The following DNM3 variants were observed in gnomAD, a reference collection of about 807,000 sequenced individuals.
The protein encoded by DNM3 is dynamin-3.
A neutral mutation model predicts 101.6 loss-of-function variants in DNM3; 47 were observed. The observed-to-expected ratio is 0.46, with a 90% CI of 0.37 to 0.59. DNM3 has a LOEUF of 0.59. DNM3 is among the 20% of genes least tolerant of loss of function. DNM3 has a pLI of 0.00. For synonymous variants in DNM3, 385 were observed against 387.9 expected, an observed-to-expected ratio of 0.99 and a Z score of 0.09; for missense variants, 849 against 1,085.7, an observed-to-expected ratio of 0.78 and a Z score of 3.06.
chr1:171,895,115 T>G (rs1482123566), intron 1 of DNM3, among the ~76,000 whole-genome samples: 1 of 152,238 alleles, frequency 6.6e-6, no homozygotes. Flanking sequence ...CATGTGTCTT[T>G]ATAGTAGTAT....
intron 2 of DNM3, among the ~76,000 whole-genome samples, chr1:171,969,673 A>G (rs564835863): frequency 1.3e-5 from 2 of 152,194 alleles, no homozygotes; most frequent in Non-Finnish European, 2.9e-5. Flanking sequence ...TCAGCAAAAA[A>G]AGATTAAAGA....
chr1:172,093,341 T>A (rs985638648), intron 13 of DNM3, among the ~76,000 whole-genome samples: 15 of 152,172 alleles, frequency 9.9e-5, no homozygotes, highest in Non-Finnish European at 2.2e-4. Context: ...TAAATTCTTG[T>A]TGGTTAATGA....
chr1:172,394,139 T>TTCAAG (rs2069766824), intron 20 of DNM3: 2 of 152,252 alleles, frequency 1.3e-5, no homozygotes, highest in Admixed American at 6.5e-5. Flanking sequence ...TTTTTAATTC[T>TTCAAG]TCAAGTCTTG....
At chr1:171,921,351 A>C (rs2040155456) in intron 1 of DNM3, among the ~76,000 whole-genome samples, 1 of 152,156 alleles carries the variant, frequency 6.6e-6, no homozygotes, top group Non-Finnish European at 1.5e-5. Context: ...CTTGAGGCCA[A>C]AGAGCGTACT....
At chr1:172,242,619 A>T (rs2061790227) in intron 14 of DNM3, among the ~76,000 whole-genome samples, 3 of 152,094 alleles carry the variant, frequency 2.0e-5, no homozygotes, top group Admixed American at 1.3e-4. Flanking sequence ...TTTAAAAAAA[A>T]TTTTGGAGAG....
At chr1:171,985,476 A>G (rs1029901917) in intron 2 of DNM3, among the ~76,000 whole-genome samples, 1 of 152,366 alleles carries the variant, frequency 6.6e-6, no homozygotes, top group Non-Finnish European at 1.5e-5. Flanking sequence ...ATAGAAGAAC[A>G]TGCCTTATCT....
intron 15 of DNM3, among the ~76,000 whole-genome samples, chr1:172,261,355 G>A (rs1294775478): frequency 6.6e-6 from 1 of 152,240 alleles, no homozygotes; most frequent in African/African-American, 2.4e-5. Context: ...GCGTAGTGGT[G>A]TAGTCTCTGT....
At chr1:172,219,988 G>T (rs189498254) in intron 14 of DNM3, among the ~76,000 whole-genome samples, 150 of 152,296 alleles carry the variant, frequency 9.8e-4, no homozygotes, top group African/African-American at 3.5e-3. Context: ...TAGATTGCAA[G>T]TAAGCTGTGT....
chr1:172,079,242 C>T (rs1342886271), intron 11 of DNM3, among the ~76,000 whole-genome samples: 1 of 152,184 alleles, frequency 6.6e-6, no homozygotes, highest in Non-Finnish European at 1.5e-5. Context: ...CTCCCCGTCA[C>T]TTTCAGGTAC....
intron 14 of DNM3, among the ~76,000 whole-genome samples, chr1:172,209,723 A>G (rs1479612570): frequency 6.6e-6 from 1 of 152,124 alleles, no homozygotes; most frequent in African/African-American, 2.4e-5. Flanking sequence ...AGTGAGCCAT[A>G]CATTACAGGG....
intron 4 of DNM3, among the ~76,000 whole-genome samples, chr1:172,017,008 G>A (rs2047495455): frequency 6.6e-6 from 1 of 151,998 alleles, no homozygotes; most frequent in Non-Finnish European, 1.5e-5. Context: ...TTGTATTTAG[G>A]TTTTCAAATT....
intron 17 of DNM3, among the ~76,000 whole-genome samples, chr1:172,348,157 C>A (rs531115272): frequency 6.6e-6 from 1 of 151,958 alleles, no homozygotes; most frequent in East Asian, 1.9e-4. Context: ...CAGATGCAGA[C>A]GAAAGTGTGC....
At chr1:172,129,750 G>T (rs1271257525) in intron 13 of DNM3, among the ~76,000 whole-genome samples, 2 of 152,112 alleles carry the variant, frequency 1.3e-5, no homozygotes, top group African/African-American at 2.4e-5. Context: ...ATGACACATG[G>T]GAATTGTGGG....
chr1:172,372,468 A>G (rs1045687562), intron 17 of DNM3, among the ~76,000 whole-genome samples: 2 of 151,972 alleles, frequency 1.3e-5, no homozygotes, highest in African/African-American at 4.8e-5. Context: ...ATGTGAAGCT[A>G]TCTTATATGC....
intron 14 of DNM3, among the ~76,000 whole-genome samples, chr1:172,203,275 A>G (rs896771386): frequency 2.6e-5 from 4 of 152,128 alleles, no homozygotes; most frequent in Non-Finnish European, 5.9e-5. Context: ...CTGTGTTTAG[A>G]TTCCTTGTGA....
chr1:172,127,687 G>A (rs1363967372), intron 13 of DNM3, among the ~76,000 whole-genome samples: 1 of 151,984 alleles, frequency 6.6e-6, no homozygotes, highest in Admixed American at 6.6e-5. Context: ...AGGATTACAG[G>A]TGTCAGCACC....
In DNM3 at chr1:171,863,932, CT is replaced by C. The variant is rs2034449399; in HGVS notation, c.161+22118del. Among the ~76,000 whole-genome samples, 4 of 152,318 alleles carry C rather than the reference CT, an allele frequency of 2.6e-5. No individual in the cohort carries two copies. The South Asian group carries it at 8.3e-4, about 32-fold the overall frequency. ...ATGAGCCTTATTGAATGAATGAGCT[CT>C]TTGAACACAGAAGAATTATCCAGAG... On this transcript the variant is annotated intron_variant, in intron 1 of 20. Transcript: ENST00000627582.
At chr1:172,253,496 TCTCC>T in intron 14 of DNM3, 73 bp from the exon 15 acceptor site, 2 of 99,832 alleles carry the variant, frequency 2.0e-5, no homozygotes, top group Non-Finnish European at 3.8e-5. Context: ...CTGTCTCTCC[TCTCC>T]TCTCCTCTCC....
intron 16 of DNM3, among the ~76,000 whole-genome samples, chr1:172,312,917 G>A (rs918422855): frequency 2.6e-5 from 4 of 152,108 alleles, no homozygotes; most frequent in Non-Finnish European, 5.9e-5. Context: ...AAAGCAAAAT[G>A]TAGAATTTTT....
Sources: gnomAD v4.1 joint callset for allele counts (sites outside exome capture counted in the v4.1 genomes callset) on GRCh38, gnomAD v4.1.1 for gene constraint, MANE v1.5 for transcripts, NCBI Gene and HGNC (gene_info 2026-07-23, HGNC 2026-07-21) for gene names.